RIMS1: variants seen among roughly 807,000 people sequenced by gnomAD.
RIMS1 encodes the protein regulating synaptic membrane exocytosis 1.
RIMS1 carries 83 observed loss-of-function variants against 214.1 expected under a neutral mutation model. The ratio of observed to expected loss-of-function variants is 0.39; its 90% CI spans 0.32 to 0.47. The LOEUF (loss-of-function observed/expected upper bound fraction) is 0.47, where lower values mean the gene tolerates loss of function less well. Ranked by LOEUF, RIMS1 falls within the 20% of genes least tolerant of loss-of-function variation. The probability of loss-of-function intolerance (pLI) is 0.99; values close to 1 mark genes in which losing one functional copy is unlikely to be tolerated. For synonymous variants in RIMS1, 793 were observed against 786.8 expected (o/e 1.01, Z -0.13); for missense variants, 2,050 against 2,161.8 (o/e 0.95, Z 1.03).
chr6:72,349,341 TG>T (rs2097368194), intron 29 of RIMS1, among the ~76,000 whole-genome samples: 1 of 152,022 alleles, frequency 6.6e-6, no homozygotes, highest in Non-Finnish European at 1.5e-5. Context: ...ATGAAGATTC[TG>T]ACAAGTAATC....
intron 6 of RIMS1, among the ~76,000 whole-genome samples, chr6:72,224,248 TG>T (rs1387392422): frequency 6.6e-6 from 1 of 152,246 alleles, no homozygotes; most frequent in Admixed American, 6.5e-5. Context: ...TTCGTAGTTT[TG>T]TTTTAGAAAA....
intron 1 of RIMS1, among the ~76,000 whole-genome samples, chr6:71,913,571 A>G (rs1204447488): frequency 1.3e-5 from 2 of 152,138 alleles, no homozygotes; most frequent in Non-Finnish European, 2.9e-5. Context: ...AGCTAATCCT[A>G]TTTAAAATGG....
intron 26 of RIMS1, among the ~76,000 whole-genome samples, chr6:72,297,318 T>G (rs1393929127): frequency 2.6e-5 from 4 of 151,916 alleles, no homozygotes; most frequent in Non-Finnish European, 5.9e-5. Flanking sequence ...CAGAAGAATG[T>G]AGTTGGATTT....
intron 29 of RIMS1, among the ~76,000 whole-genome samples, chr6:72,340,267 G>C (rs1198172076): frequency 6.6e-6 from 1 of 151,852 alleles, no homozygotes; most frequent in Non-Finnish European, 1.5e-5. Flanking sequence ...TTCTTTTGCT[G>C]TGCAGAAGCT....
At chr6:72,147,684 G>T (rs1375821515) in intron 4 of RIMS1, among the ~76,000 whole-genome samples, 1 of 152,104 alleles carries the variant, frequency 6.6e-6, no homozygotes, top group Non-Finnish European at 1.5e-5. Flanking sequence ...AGACATAAAG[G>T]CCTTTTAAAT....
intron 2 of RIMS1, among the ~76,000 whole-genome samples, chr6:72,060,533 G>T (rs1827593080): frequency 6.6e-6 from 1 of 152,058 alleles, no homozygotes; most frequent in South Asian, 2.1e-4. Context: ...GGGTACTATT[G>T]TTCTGATTAA....
intron 2 of RIMS1, among the ~76,000 whole-genome samples, chr6:72,077,149 G>A (rs541725831): frequency 4.6e-5 from 7 of 152,004 alleles, no homozygotes; most frequent in African/African-American, 1.4e-4. Context: ...GTTTCTCCTC[G>A]TCCTTCAGGA....
chr6:71,966,421 A>G (rs1794452657), intron 1 of RIMS1, among the ~76,000 whole-genome samples: 1 of 152,260 alleles, frequency 6.6e-6, no homozygotes, highest in Non-Finnish European at 1.5e-5. Context: ...ATACATAGAC[A>G]GAAACAGTAT....
intron 6 of RIMS1, among the ~76,000 whole-genome samples, chr6:72,204,911 G>A (rs1358360216): frequency 6.6e-6 from 1 of 152,002 alleles, no homozygotes; most frequent in African/African-American, 2.4e-5. Context: ...AACTTTTCTT[G>A]TCTTCTAATT....
At chr6:72,198,782 T>G (rs867685773) in intron 6 of RIMS1, among the ~76,000 whole-genome samples, 4 of 151,934 alleles carry the variant, frequency 2.6e-5, no homozygotes, top group Admixed American at 1.3e-4. Flanking sequence ...TAATTATGTA[T>G]AAATATTATG....
At chr6:72,079,417 A>G (rs1832727310) in intron 2 of RIMS1, among the ~76,000 whole-genome samples, 1 of 152,150 alleles carries the variant, frequency 6.6e-6, no homozygotes, top group Non-Finnish European at 1.5e-5. Context: ...AGTGTCAAAT[A>G]AATATGGATT....
At position 72,250,475 on chromosome 6, in the gene RIMS1, T is replaced by C. The variant is rs756594507; in HGVS notation, c.2372+15T>C. The C allele has an allele frequency of 1.3e-6, 2 of 1,510,980 alleles. No homozygotes were observed. Among genetic ancestry groups the C allele is most frequent in the Non-Finnish European group, 1.8e-6 (2 of 1,120,242 alleles). 93.6% of individuals were successfully genotyped at this position (1,510,980 alleles called of 1,614,324 possible). A position where few individuals can be genotyped will look rare whatever the true frequency, so the allele number is the denominator to read the frequency against. ...CCAGATAGAAGGTAGTGAATAATTT[T>C]AGAAAAAAAAAATCTTAAAATCTGT... is the stretch of plus-strand genomic sequence containing the variant. On this transcript the variant is annotated intron_variant, in intron 13 of 33. Coordinates refer to ENST00000521978, the MANE Select transcript of RIMS1 (RefSeq NM_014989.7).
chr6:72,055,421 G>A (rs760604456), intron 2 of RIMS1, among the ~76,000 whole-genome samples: 2 of 152,254 alleles, frequency 1.3e-5, no homozygotes, highest in Admixed American at 6.5e-5. Flanking sequence ...ATTTCCACGA[G>A]TAACCCAAAG....
At chr6:72,069,378 T>G (rs371139114) in intron 2 of RIMS1, among the ~76,000 whole-genome samples, 11 of 152,362 alleles carry the variant, frequency 7.2e-5, no homozygotes, top group Middle Eastern at 6.8e-3. Flanking sequence ...ACTGTCCAGC[T>G]TCTCTAATAG....
intron 2 of RIMS1, among the ~76,000 whole-genome samples, chr6:71,980,644 A>G (rs550736721): frequency 6.6e-6 from 1 of 152,186 alleles, no homozygotes; most frequent in Non-Finnish European, 1.5e-5. Flanking sequence ...GTTTCAGGAT[A>G]ATGAATTTTT....
At position 72,182,281 on chromosome 6, in the gene RIMS1, T is replaced by C. The variant is rs376288569; in HGVS notation, c.813-3T>C. On this transcript the variant is annotated splice_polypyrimidine_tract_variant and splice_region_variant and intron_variant, in intron 5 of 33. Transcript: ENST00000521978. ...CTCCTTGACGTTCCTTTGTATATCA[T>C]AGAAAGAAGACCCCAGGGCTTTCCG... The C allele has an allele frequency of 8.3e-6, 13 of 1,565,420 alleles. No individual in the cohort carries two copies. The highest frequency in any genetic ancestry group is 3.5e-4 in the Middle Eastern group (2 of 5,702).
Position 72,193,465 on chromosome 6 carries a change from C to T in RIMS1, c.1678+10316C>T, listed in dbSNP as rs573144940. 2.0e-5 allele frequency among the ~76,000 whole-genome samples: 3 copies of T among 152,300 alleles called. No homozygotes were observed. The East Asian group carries it at 5.8e-4, about 29-fold the overall frequency. ...CAATCTCAGCCTTTACAAAATGAAACACAAAGAGCAACACCTTTTATCACT... is the reference window on the plus strand; with the variant it reads ...CAATCTCAGCCTTTACAAAATGAAATACAAAGAGCAACACCTTTTATCACT... On this transcript the variant is annotated intron_variant, in intron 6 of 33. Coordinates refer to ENST00000521978, the MANE Select transcript of RIMS1 (RefSeq NM_014989.7).
intron 22 of RIMS1, 101 bp from the exon 23 acceptor site, chr6:72,274,248 C>G (rs1191212514): frequency 2.9e-6 from 2 of 683,916 alleles, no homozygotes; most frequent in African/African-American, 3.6e-5. Context: ...TACACTTTGC[C>G]TTTATGGGGT....
rs1291478521 is a variant in RIMS1 at position 72,401,085 on chromosome 6, C to G, written c.*371C>G. On this transcript the variant is annotated 3_prime_UTR_variant, in exon 34 of 34. Coordinates refer to ENST00000521978, the MANE Select transcript of RIMS1 (RefSeq NM_014989.7). Reference sequence around the variant, plus strand: ...AAGTTGTATTCTACACATTTCTGCACAGACCACAAGCAGTGTTATTTCCCT... The same window carrying G: ...AAGTTGTATTCTACACATTTCTGCAGAGACCACAAGCAGTGTTATTTCCCT... 1 of 180,806 alleles carries G rather than the reference C, an allele frequency of 5.5e-6. No individual in the cohort carries two copies. The highest frequency in any genetic ancestry group is 1.2e-5 in the Non-Finnish European group (1 of 84,414). 11.2% of individuals were successfully genotyped at this position (180,806 alleles called of 1,614,324 possible).
Sources: gnomAD v4.1 joint callset for allele counts (sites outside exome capture counted in the v4.1 genomes callset) on GRCh38, gnomAD v4.1.1 for gene constraint, MANE v1.5 for transcripts, NCBI Gene and HGNC (gene_info 2026-07-23, HGNC 2026-07-21) for gene names.